KCNQ5: variants seen among roughly 807,000 people sequenced by gnomAD.
The protein encoded by KCNQ5 is potassium voltage-gated channel subfamily KQT member 5.
A neutral mutation model predicts 98.2 loss-of-function variants in KCNQ5; 30 were observed. The observed-to-expected ratio is 0.31, with a 90% CI of 0.23 to 0.41. The LOEUF is 0.41. Among genes scored for constraint, KCNQ5 ranks in the 10% least tolerant of loss-of-function variants. The pLI is 1.00. For missense variants in KCNQ5, 835 were observed against 1,182.5 expected (o/e 0.71, Z 4.31); for synonymous variants, 458 against 449.4 (o/e 1.02, Z -0.24).
intron 10 of KCNQ5, chr6:73,158,013 G>T: frequency 1.4e-6 from 1 of 727,118 alleles, no homozygotes; most frequent in Non-Finnish European, 2.5e-6. Flanking sequence ...GGGTTCTCTG[G>T]GTTTAATGTC....
At chr6:73,127,925 C>T (rs960166292) in intron 9 of KCNQ5, among the ~76,000 whole-genome samples, 2 of 152,040 alleles carry the variant, frequency 1.3e-5, no homozygotes, top group East Asian at 1.9e-4. Flanking sequence ...ATTAGTTGGG[C>T]GTGGTGCTGC....
At chr6:72,737,775 A>C (rs1770923813) in intron 1 of KCNQ5, among the ~76,000 whole-genome samples, 1 of 152,152 alleles carries the variant, frequency 6.6e-6, no homozygotes, top group South Asian at 2.1e-4. Context: ...TTGTTTCATG[A>C]AACTTGTCTC....
chr6:72,819,627 A>T (rs2150112213), intron 1 of KCNQ5, among the ~76,000 whole-genome samples: 1 of 152,324 alleles, frequency 6.6e-6, no homozygotes, highest in Non-Finnish European at 1.5e-5. Context: ...TCCTATAGAT[A>T]CATGCCCTTG....
chr6:73,035,761 T>C (rs1771384221), intron 2 of KCNQ5, among the ~76,000 whole-genome samples: 1 of 152,200 alleles, frequency 6.6e-6, no homozygotes, highest in Admixed American at 6.5e-5. Context: ...TATCCCATTG[T>C]CTAGATTGCT....
rs553530386 is a variant in KCNQ5 at position 72,762,101 on chromosome 6, G to A, written c.398+139514G>A. 3.3e-5 allele frequency among the ~76,000 whole-genome samples: 5 copies of A among 152,108 alleles called. No individual in the cohort carries two copies. In the East Asian group the frequency reaches 9.7e-4, roughly 29 times the overall value. On this transcript the variant is annotated intron_variant, in intron 1 of 13. Transcript: ENST00000370398. ...TGAGCCCCACTTGCAAGAGACATTC[G>A]CTATACCCAGAGGGAACTCCAGTAG...
intron 2 of KCNQ5, among the ~76,000 whole-genome samples, chr6:73,010,202 C>T (rs1769997419): frequency 6.6e-6 from 1 of 151,966 alleles, no homozygotes; most frequent in Non-Finnish European, 1.5e-5. Context: ...ATTCAACACA[C>T]AAAAATTGAT....
At chr6:72,928,825 T>C (rs1765558448) in intron 1 of KCNQ5, among the ~76,000 whole-genome samples, 2 of 152,140 alleles carry the variant, frequency 1.3e-5, no homozygotes, top group African/African-American at 4.8e-5. Context: ...TTCTCTACTC[T>C]GCAGGTGCCC....
At chr6:73,165,649 G>A (rs1019232988) in intron 10 of KCNQ5, among the ~76,000 whole-genome samples, 3 of 152,156 alleles carry the variant, frequency 2.0e-5, no homozygotes, top group Non-Finnish European at 1.5e-5. Flanking sequence ...ACCAATAAGA[G>A]ATACAAGAAG....
chr6:72,957,138 G>C (rs553008612), intron 1 of KCNQ5, among the ~76,000 whole-genome samples: 6 of 147,878 alleles, frequency 4.1e-5, no homozygotes, highest in African/African-American at 1.5e-4. Context: ...TAGAGCAGTA[G>C]ATCTCACCCC....
intron 2 of KCNQ5, among the ~76,000 whole-genome samples, chr6:73,028,127 G>A (rs1770972830): frequency 6.6e-6 from 1 of 152,108 alleles, no homozygotes; most frequent in African/African-American, 2.4e-5. Context: ...TCTTTATTAT[G>A]GGGGAAAAAT....
chr6:73,168,680 C>A (rs566177151), intron 10 of KCNQ5, among the ~76,000 whole-genome samples: 1 of 151,632 alleles, frequency 6.6e-6, no homozygotes. Context: ...CCACTGCACT[C>A]CAGCCTGAGC....
At chr6:73,007,317 C>T (rs969505472) in intron 2 of KCNQ5, among the ~76,000 whole-genome samples, 3 of 152,122 alleles carry the variant, frequency 2.0e-5, no homozygotes, top group African/African-American at 7.2e-5. Flanking sequence ...AGACTATAGT[C>T]GGGCTCCATG....
At chr6:73,001,490 G>A (rs1163792247) in intron 1 of KCNQ5, among the ~76,000 whole-genome samples, 1 of 152,242 alleles carries the variant, frequency 6.6e-6, no homozygotes, top group Non-Finnish European at 1.5e-5. Flanking sequence ...GATGTGTTTC[G>A]AGCACAGACA....
intron 1 of KCNQ5, among the ~76,000 whole-genome samples, chr6:72,808,417 T>C (rs1775061673): frequency 6.6e-6 from 1 of 152,016 alleles, no homozygotes; most frequent in African/African-American, 2.4e-5. Context: ...ATACAAGGAG[T>C]TGTTCTGTGC....
At chr6:72,765,270 C>G (rs1772509135) in intron 1 of KCNQ5, among the ~76,000 whole-genome samples, 1 of 151,990 alleles carries the variant, frequency 6.6e-6, no homozygotes, top group South Asian at 2.1e-4. Flanking sequence ...TCTGTACATT[C>G]TTGCCAGCAT....
chr6:72,734,018 G>A (rs1319429650), intron 1 of KCNQ5, among the ~76,000 whole-genome samples: 1 of 152,210 alleles, frequency 6.6e-6, no homozygotes, highest in Non-Finnish European at 1.5e-5. Flanking sequence ...GGAAGGACAA[G>A]AGACTTGTTG....
chr6:72,672,118 AT>A lies in KCNQ5; in HGVS notation c.398+49547del, dbSNP rs1186332695. Among the ~76,000 whole-genome samples, 493 of 121,344 alleles carry A rather than the reference AT, an allele frequency of 4.1e-3. 1 individual carries two copies. The highest frequency in any genetic ancestry group is 5.1e-3 in the Admixed American group (61 of 12,008). 79.6% of individuals were successfully genotyped at this position (121,344 alleles called of 152,430 possible). ...GGCATGAGCCACGACGCCTGGCCTA[AT>A]TTTTTTTTTTTTTTTGAGACAGAGT... On this transcript the variant is annotated intron_variant, in intron 1 of 13. Transcript: ENST00000370398.
chr6:73,043,452 C>G (rs992286772), intron 3 of KCNQ5, among the ~76,000 whole-genome samples: 1 of 152,136 alleles, frequency 6.6e-6, no homozygotes, highest in Non-Finnish European at 1.5e-5. Flanking sequence ...TAACTCCAAG[C>G]CTTGCAGGTT....
chr6:73,055,967 G>C (rs1772469996), intron 3 of KCNQ5: 1 of 405,376 alleles, frequency 2.5e-6, no homozygotes, highest in Non-Finnish European at 4.8e-6. Flanking sequence ...CTGCAGATGG[G>C]GACCGGTGGC....
Sources: allele counts gnomAD v4.1 joint callset (sites outside exome capture counted in the v4.1 genomes callset), GRCh38; gene constraint gnomAD v4.1.1; transcripts MANE v1.5; gene names NCBI Gene and HGNC (gene_info 2026-07-23, HGNC 2026-07-21).